Variants in TUSC3 observed in about 807,000 individuals in gnomAD.
TUSC3 encodes dolichyl-diphosphooligosaccharide--protein glycosyltransferase subunit TUSC3.
Under a neutral mutation model 44.8 loss-of-function variants are expected in TUSC3, and 45 were observed. That is an observed-to-expected ratio of 1.00 (90% CI 0.79 to 1.29). The LOEUF (loss-of-function observed/expected upper bound fraction) is 1.29. TUSC3 is among the 50% of genes most tolerant of loss of function. The pLI, the probability that TUSC3 is intolerant of heterozygous loss-of-function variation, is 0.00. For synonymous variants in TUSC3, 212 were observed against 152.9 expected, an observed-to-expected ratio of 1.39 and a Z score of -2.85; for missense variants, 519 against 437.9, an observed-to-expected ratio of 1.19 and a Z score of -1.65.
At chr8:15,609,678 T>G (rs1233712399) in intron 1 of TUSC3, among the ~76,000 whole-genome samples, 1 of 152,112 alleles carries the variant, frequency 6.6e-6, no homozygotes, top group African/African-American at 2.4e-5. Flanking sequence ...ATTATAATGA[T>G]ACTGTCTCTT....
intron 2 of TUSC3, among the ~76,000 whole-genome samples, chr8:15,526,120 C>T (rs1801369975): frequency 6.6e-6 from 1 of 152,082 alleles, no homozygotes; most frequent in Middle Eastern, 3.4e-3. Context: ...GCAAGCTCCG[C>T]CTCCAGGGTT....
chr8:15,674,161 G>C (rs1808080188), intron 6 of TUSC3, among the ~76,000 whole-genome samples: 2 of 151,982 alleles, frequency 1.3e-5, no homozygotes, highest in Admixed American at 6.6e-5. Context: ...AATCGGAATA[G>C]TTTATAGCCA....
At chr8:15,546,844 T>G (rs1444613595) in intron 1 of TUSC3, among the ~76,000 whole-genome samples, 3 of 151,624 alleles carry the variant, frequency 2.0e-5, no homozygotes, top group African/African-American at 4.8e-5. Context: ...CCTAGAAGAA[T>G]AATTTTTTTC....
At chr8:15,444,894 C>T (rs17611350) in intron 1 of TUSC3, among the ~76,000 whole-genome samples, 11,812 of 152,200 alleles carry the variant, frequency 0.078, 456 homozygotes, top group East Asian at 0.14. Context: ...GTCAAAGTCC[C>T]GGCAAACTCC....
rs118009804 is a variant in TUSC3 at position 15,449,412 on chromosome 8, A to T, written n.91+32107A>T. On this transcript the variant is annotated intron_variant and non_coding_transcript_variant, in intron 1 of 5. Coordinates refer to the TUSC3 transcript ENST00000503191. The stretch of plus-strand genomic sequence containing the variant: ...GAGGACACGGAAATGTTAACTGCAC[A>T]TCCTCCATAGAGTGGTCAGAACCAC... 1.2e-3 allele frequency among the ~76,000 whole-genome samples: 187 copies of T among 152,280 alleles called. 1 individual carries two copies. In the East Asian group the frequency reaches 0.034, roughly 28 times the overall value.
At chr8:15,787,115 T>G in the TUSC3 span, among the ~76,000 whole-genome samples, 1 of 152,124 alleles carries the variant, frequency 6.6e-6, no homozygotes, top group Non-Finnish European at 1.5e-5. Flanking sequence ...TAATTTATAA[T>G]TTTCCTCTGG....
chr8:15,812,474 G>C, the TUSC3 span, among the ~76,000 whole-genome samples: 12,269 of 152,150 alleles, frequency 0.081, 1,021 homozygotes, highest in African/African-American at 0.22. Flanking sequence ...GCAATAGGTA[G>C]ATATACACTT....
the TUSC3 span, among the ~76,000 whole-genome samples, chr8:15,849,590 A>T: frequency 6.6e-6 from 1 of 152,118 alleles, no homozygotes; most frequent in African/African-American, 2.4e-5. Context: ...ACAAAGTGTG[A>T]TTTCAACTGG....
At chr8:15,458,456 C>G (rs926186915) in intron 1 of TUSC3, among the ~76,000 whole-genome samples, 1 of 152,126 alleles carries the variant, frequency 6.6e-6, no homozygotes, top group Non-Finnish European at 1.5e-5. Flanking sequence ...GCAGGCTGGT[C>G]TCAAACTCCT....
chr8:15,585,937 C>G (rs1002424008), intron 1 of TUSC3, among the ~76,000 whole-genome samples: 1 of 151,982 alleles, frequency 6.6e-6, no homozygotes, highest in Non-Finnish European at 1.5e-5. Context: ...GATGGGATCA[C>G]CCATAGAATT....
chr8:15,623,685 A>C (rs1437779458), intron 2 of TUSC3, among the ~76,000 whole-genome samples: 5 of 152,100 alleles, frequency 3.3e-5, no homozygotes, highest in African/African-American at 1.2e-4. Context: ...TTTTAAATGA[A>C]TGAAATGTTT....
At chr8:15,650,557 A>T (rs1372228854) in intron 2 of TUSC3, 140 bp from the exon 3 acceptor site, 1 of 677,270 alleles carries the variant, frequency 1.5e-6, no homozygotes, top group Non-Finnish European at 2.5e-6. Flanking sequence ...TTTTAAAAAA[A>T]AATATTTTAA....
chr8:15,510,773 T>TAA (rs111851923), intron 2 of TUSC3, among the ~76,000 whole-genome samples: 24 of 150,690 alleles, frequency 1.6e-4, no homozygotes, highest in East Asian at 5.9e-4. Flanking sequence ...AGATACTATT[T>TAA]AAAAAAAAAC....
chr8:15,577,216 T>G (rs1036847456), intron 1 of TUSC3, among the ~76,000 whole-genome samples: 1 of 151,136 alleles, frequency 6.6e-6, no homozygotes, highest in African/African-American at 2.4e-5. Flanking sequence ...ATATTAGCCC[T>G]TTGTCAGATG....
intron 1 of TUSC3, among the ~76,000 whole-genome samples, chr8:15,602,584 T>C (rs1279676914): frequency 6.6e-6 from 1 of 151,524 alleles, no homozygotes; most frequent in Non-Finnish European, 1.5e-5. Flanking sequence ...GTCTTTGTGA[T>C]ACTGTGCAAA....
rs1247654301 is a variant in TUSC3 at position 15,533,054 on chromosome 8, G to A, written n.189+49571G>A. ...TGTTCCCCTGCCTTGGCCTCCCAGA[G>A]TGCTGGGATTACAGGTATGAGCCAC... On this transcript the variant is annotated intron_variant and non_coding_transcript_variant, in intron 2 of 5. Coordinates refer to the TUSC3 transcript ENST00000503191. Among the ~76,000 whole-genome samples the A allele has an allele frequency of 2.6e-5, 4 of 152,188 alleles. No homozygotes were observed. The East Asian group carries it at 7.7e-4, about 29-fold the overall frequency.
chr8:15,479,191 T>G, intron 1 of TUSC3, among the ~76,000 whole-genome samples: 1 of 152,314 alleles, frequency 6.6e-6, no homozygotes. Flanking sequence ...TAGACCTTTG[T>G]CAGATGGGTA....
chr8:15,488,367 T>C (rs1373243003), intron 2 of TUSC3, among the ~76,000 whole-genome samples: 2 of 151,188 alleles, frequency 1.3e-5, no homozygotes, highest in Non-Finnish European at 2.9e-5. Context: ...CTGGGTGTAG[T>C]GGCTCGCACC....
intron 2 of TUSC3, among the ~76,000 whole-genome samples, chr8:15,508,560 C>T (rs1417892221): frequency 1.5e-5 from 2 of 132,858 alleles, no homozygotes; most frequent in East Asian, 2.5e-4. Flanking sequence ...CTCCCGGGTT[C>T]GTGCCATTCT....
Sources: allele counts gnomAD v4.1 joint callset (sites outside exome capture counted in the v4.1 genomes callset), GRCh38; gene constraint gnomAD v4.1.1; transcripts MANE v1.5; gene names NCBI Gene and HGNC (gene_info 2026-07-23, HGNC 2026-07-21).